Variants in CFB observed in about 807,000 individuals in gnomAD.
CFB encodes B-factor, properdin.
CFB carries 59 observed loss-of-function variants against 97.2 expected under a neutral mutation model. The observed-to-expected ratio is 0.61, with a 90% CI of 0.49 to 0.75. CFB has a LOEUF of 0.75. Ranked by LOEUF, CFB falls within the 30% of genes least tolerant of loss-of-function variation. The probability of loss-of-function intolerance (pLI) is 0.00; values close to 1 mark genes in which losing one functional copy is unlikely to be tolerated. For missense variants in CFB, 771 were observed against 959.8 expected (o/e 0.80, Z 2.60); for synonymous variants, 316 against 351.7 (o/e 0.90, Z 1.14).
Position 31,951,654 on chromosome 6 carries a change from C to G in CFB, c.2139+50C>G, listed in dbSNP as rs1242552208. 6.2e-7 allele frequency: 1 copy of G among 1,610,826 alleles called. No individual in the cohort carries two copies. Among genetic ancestry groups the G allele is most frequent in the African/African-American group, 1.3e-5 (1 of 74,856 alleles). On this transcript the variant is annotated intron_variant, in intron 17 of 17. Transcript: ENST00000425368. This position sits in a 1 kb window ranked among gnomAD's most constrained non-coding sequence, Gnocchi z 4.3. Reference sequence around the variant, plus strand: ...GGAGATGCCAAGTGGTCAGCATGGGCCCCAAAGCAGGAAAGCTCAATGCAT... The same window carrying G: ...GGAGATGCCAAGTGGTCAGCATGGGGCCCAAAGCAGGAAAGCTCAATGCAT...
At position 31,952,031 on chromosome 6, in the gene CFB, G is replaced by C; in HGVS notation, c.*1G>C. The C allele has an allele frequency of 6.2e-7, 1 of 1,612,688 alleles. No homozygotes were observed. The highest frequency in any genetic ancestry group is 1.6e-4 in the Middle Eastern group (1 of 6,062). On this transcript the variant is annotated 3_prime_UTR_variant, in exon 18 of 18. Transcript: ENST00000425368. ...AGATGAGGATTTGGGTTTTCTATAA[G>C]GGGTTTCCTGCTGGACAGGGGCGTG...
At position 31,949,480 on chromosome 6, in the gene CFB, C is replaced by T; in HGVS notation, c.1331C>T (p.Ser444Phe). Reference sequence around the variant, plus strand: ...CAAGTGAACATCAATGCTTTGGCTTCCAAGAAAGACAATGAGCAACATGTG... The same window carrying T: ...CAAGTGAACATCAATGCTTTGGCTTTCAAGAAAGACAATGAGCAACATGTG... Reference protein sequence around the residue: ...VNQVNINALASKKDNEQHVFK... With the variant: ...VNQVNINALAFKKDNEQHVFK... Residue 444 changes from serine to phenylalanine, a missense_variant, in exon 10 of 18, where the codon TCC (serine) becomes TTC (phenylalanine). Transcript: ENST00000425368. 1 of 1,614,014 alleles carries T rather than the reference C, an allele frequency of 6.2e-7. No individual in the cohort carries two copies. The highest frequency in any genetic ancestry group is 8.5e-7 in the Non-Finnish European group (1 of 1,180,036).
chr6:31,948,214 C>T, intron 6 of CFB, 133 bp downstream of exon 6: 1 of 1,497,554 alleles, frequency 6.7e-7, no homozygotes, highest in Non-Finnish European at 9.1e-7. Flanking sequence ...TGTCCTCCTT[C>T]CCTTTTACTT....
Position 31,950,780 on chromosome 6 carries a change from C to A in CFB, c.1778+8C>A. On this transcript the variant is annotated splice_region_variant and intron_variant, in intron 13 of 17. Transcript: ENST00000425368. ...ATATGGCCAGACTATCAGGTGAGAG[C>A]GTCCAGATCCCTGAGGAAAGGCTGG... The A allele has an allele frequency of 6.2e-7, 1 of 1,613,042 alleles. No individual in the cohort carries two copies. The highest frequency in any genetic ancestry group is 8.5e-7 in the Non-Finnish European group (1 of 1,180,030).
intron 7 of CFB, among the ~76,000 whole-genome samples, 157 bp downstream of exon 7, chr6:31,948,669 T>C (rs537113232): frequency 6.6e-6 from 1 of 152,186 alleles, no homozygotes; most frequent in South Asian, 2.1e-4. Context: ...TGGGAACCTG[T>C]TGGGGGCTGG....
Position 31,947,164 on chromosome 6 carries a change from T to G in CFB, c.456T>G (p.Ser152Arg), listed in dbSNP as rs1158014857. 2 of 1,612,626 alleles carry G rather than the reference T, an allele frequency of 1.2e-6. No homozygotes were observed. The highest frequency in any genetic ancestry group is 4.5e-5 in the East Asian group (2 of 44,866). The stretch of plus-strand genomic sequence containing the variant: ...CCTGCCAAGTGAATGGCCGATGGAG[T>G]GGGCAGACAGCGATCTGTGACAACG... ...NRTCQVNGRW[S>R]GQTAICDNGA... The change falls in exon 3 of 18, where the codon AGT (serine) becomes AGG (arginine). Residue 152 changes from serine to arginine, a missense_variant. Coordinates refer to ENST00000425368, the MANE Select transcript of CFB (RefSeq NM_001710.6). The surrounding 1 kb of genome is among the most constrained non-coding windows in gnomAD (Gnocchi z 5.3).
Position 31,946,747 on chromosome 6 carries a change from A to AG in CFB, c.298+146dup. ...AGCAGTTTTAGGGTGGCAGGCGGAA[A>AG]GGGGGCAAGAAAAAGCGGAGTTAAC... On this transcript the variant is annotated intron_variant, in intron 2 of 17. Coordinates refer to ENST00000425368, the MANE Select transcript of CFB (RefSeq NM_001710.6). The surrounding 1 kb of genome is among the most constrained non-coding windows in gnomAD (Gnocchi z 6.4). 1 of 875,092 alleles carries AG rather than the reference A, an allele frequency of 1.1e-6. No individual in the cohort carries two copies. The highest frequency in any genetic ancestry group is 1.4e-5 in the South Asian group (1 of 70,368). The allele number at this position is 875,092 out of a possible 1,614,324, so 54.2% of individuals were successfully genotyped here.
chr6:31,951,540 C>T lies in CFB; in HGVS notation c.2090-15C>T. On this transcript the variant is annotated splice_polypyrimidine_tract_variant and intron_variant, in intron 16 of 17. Coordinates refer to ENST00000425368, the MANE Select transcript of CFB (RefSeq NM_001710.6). This position sits in a 1 kb window ranked among gnomAD's most constrained non-coding sequence, Gnocchi z 4.3. ...CCAACAGTCCTTTTCTCTACAGCTT[C>T]TCCTCTCCTTGCAGGTGATTCTGGC... The T allele has an allele frequency of 2.5e-6, 4 of 1,614,182 alleles. No individual in the cohort carries two copies. Among genetic ancestry groups the T allele is most frequent in the Non-Finnish European group, 3.4e-6 (4 of 1,180,024 alleles).
chr6:31,951,442 G>A lies in CFB; in HGVS notation c.2058G>A (p.Val686=), dbSNP rs1378798217. 1 of 1,614,072 alleles carries A rather than the reference G, an allele frequency of 6.2e-7. No homozygotes were observed. Among genetic ancestry groups the A allele is most frequent in the African/African-American group, 1.3e-5 (1 of 74,902 alleles). ...CTCGGTTCCTTTGTACTGGAGGAGT[G>A]AGTCCCTATGCTGACCCCAATACTT... ...VTPRFLCTGG[V]SPYADPNTCR... is the part of the protein sequence containing the mutation. Residue 686 remains valine, a synonymous_variant, in exon 16 of 18, where the codon GTG becomes GTA. Transcript: ENST00000425368. The surrounding 1 kb of genome is among the most constrained non-coding windows in gnomAD (Gnocchi z 4.3).
intron 14 of CFB, 33 bp downstream of exon 14, chr6:31,950,977 G>A: frequency 2.5e-6 from 4 of 1,609,408 alleles, no homozygotes; most frequent in Non-Finnish European, 3.4e-6. Flanking sequence ...ATAAGGATGA[G>A]ATCCCAAGAG....
intron 10 of CFB, 43 bp downstream of exon 10, chr6:31,949,600 T>C: frequency 6.2e-7 from 1 of 1,609,706 alleles, no homozygotes; most frequent in Non-Finnish European, 8.5e-7. Flanking sequence ...TCTCCTCAGG[T>C]TCCCCTGAAG....
rs746105947 is a variant in CFB, at chr6:31,947,090, T to A, written c.382T>A (p.Ser128Thr). 1 of 1,613,014 alleles carries A rather than the reference T, an allele frequency of 6.2e-7. No individual in the cohort carries two copies. Residue 128 changes from serine (S) to threonine (T), a missense_variant, in exon 3 of 18, where the codon TCT becomes ACT. Transcript: ENST00000425368. The surrounding 1 kb of genome is among the most constrained non-coding windows in gnomAD (Gnocchi z 5.3). ...CTACTACAATGTGAGTGATGAGATC[T>A]CTTTCCACTGCTATGACGGTTACAC... ...SPYYNVSDEI[S>T]FHCYDGYTLR...
chr6:31,948,887 T>C lies in CFB; in HGVS notation c.1094T>C (p.Met365Thr). Residue 365 changes from methionine (M) to threonine (T), a missense_variant, in exon 8 of 18, where the codon ATG (methionine) becomes ACG (threonine). Transcript: ENST00000425368. ...TKKALQAVYS[M>T]MSWPDDVPPE... ...AAGGCCCTCCAGGCAGTGTACAGCA[T>C]GATGAGCTGGCCAGATGACGTCCCT... The C allele has an allele frequency of 6.2e-7, 1 of 1,612,886 alleles. No individual in the cohort carries two copies. Among genetic ancestry groups the C allele is most frequent in the Non-Finnish European group, 8.5e-7 (1 of 1,179,980 alleles).
At chr6:31,949,605 C>A in intron 10 of CFB, 48 bp downstream of exon 10, 1 of 1,608,526 alleles carries the variant, frequency 6.2e-7, no homozygotes, top group South Asian at 1.1e-5. Flanking sequence ...TCAGGTTCCC[C>A]TGAAGTAATT....
In CFB at chr6:31,946,624, G is replaced by C. The variant is rs1385123354; in HGVS notation, c.298+18G>C. On this transcript the variant is annotated intron_variant, in intron 2 of 17. Coordinates refer to ENST00000425368, the MANE Select transcript of CFB (RefSeq NM_001710.6). The surrounding 1 kb of genome is among the most constrained non-coding windows in gnomAD (Gnocchi z 6.4). ...GTGCAGAGGTTTGAGGGCAATGAGT[G>C]TGGGCAGTGGCCTAAGGCAGAAACA... is the stretch of plus-strand genomic sequence containing the variant. 1 of 1,597,988 alleles carries C rather than the reference G, an allele frequency of 6.3e-7. No homozygotes were observed. Among genetic ancestry groups the C allele is most frequent in the African/African-American group, 1.3e-5 (1 of 74,824 alleles).
At position 31,947,201 on chromosome 6, in the gene CFB, C is replaced by T. The variant is rs1452678724; in HGVS notation, c.484+9C>T. 6.2e-7 allele frequency: 1 copy of T among 1,612,588 alleles called. No homozygotes were observed. On this transcript the variant is annotated intron_variant, in intron 3 of 17. Coordinates refer to ENST00000425368, the MANE Select transcript of CFB (RefSeq NM_001710.6). The surrounding 1 kb of genome is among the most constrained non-coding windows in gnomAD (Gnocchi z 5.3). ...GATCTGTGACAACGGAGGTGAGAAGCATCCCCTCCCCCTACATTGCTGTCT... is the reference window on the plus strand; with the variant it reads ...GATCTGTGACAACGGAGGTGAGAAGTATCCCCTCCCCCTACATTGCTGTCT...
intron 12 of CFB, 53 bp from the exon 13 acceptor site, chr6:31,950,566 G>A: frequency 6.2e-7 from 1 of 1,611,366 alleles, no homozygotes; most frequent in Non-Finnish European, 8.5e-7. Context: ...ATGACACGGG[G>A]CCAGAGGCAG....
Position 31,946,918 on chromosome 6 carries a change from C to T in CFB, c.299-89C>T. ...CTGCGGGACTGGGAATGCGCTGTTT[C>T]TCAGTGACATGGTCTCCGAGACCAG... On this transcript the variant is annotated intron_variant, in intron 2 of 17. Transcript: ENST00000425368. The surrounding 1 kb of genome is among the most constrained non-coding windows in gnomAD (Gnocchi z 6.4). 7.1e-7 allele frequency: 1 copy of T among 1,401,478 alleles called. No individual in the cohort carries two copies. The highest frequency in any genetic ancestry group is 1.0e-6 in the Non-Finnish European group (1 of 990,674). The allele number at this position is 1,401,478 out of a possible 1,614,324, so 86.8% of individuals were successfully genotyped here. A position where few individuals can be genotyped will look rare whatever the true frequency, so the allele number is the denominator to read the frequency against.
Position 31,946,340 on chromosome 6 carries a change from T to C in CFB, c.65-33T>C. 1.9e-6 allele frequency: 3 copies of C among 1,612,912 alleles called. No homozygotes were observed. The highest frequency in any genetic ancestry group is 1.7e-6 in the Non-Finnish European group (2 of 1,179,864). On this transcript the variant is annotated intron_variant, in intron 1 of 17. Transcript: ENST00000425368. This position sits in a 1 kb window ranked among gnomAD's most constrained non-coding sequence, Gnocchi z 6.4. Reference sequence around the variant, plus strand: ...GTCTCCAGCATCCCTCCTTGGCCTTTTGGGGCCAGGCTTCATCAGCCTTTC... The same window carrying C: ...GTCTCCAGCATCCCTCCTTGGCCTTCTGGGGCCAGGCTTCATCAGCCTTTC...
Sources: gnomAD v4.1 joint callset for allele counts (sites outside exome capture counted in the v4.1 genomes callset) on GRCh38, gnomAD v4.1.1 for gene constraint, Gnocchi (gnomAD v3.1) non-coding constraint, MANE v1.5 for transcripts, NCBI Gene and HGNC (gene_info 2026-07-23, HGNC 2026-07-21) for gene names.